ZMAT4: variants seen among roughly 807,000 people sequenced by gnomAD.
The protein encoded by ZMAT4 is zinc finger matrin-type protein 4.
A neutral mutation model predicts 28.7 loss-of-function variants in ZMAT4; 17 were observed. The ratio of observed to expected loss-of-function variants is 0.59; its 90% CI spans 0.41 to 0.89. The LOEUF is 0.89. Ranked by LOEUF, ZMAT4 falls within the 40% of genes least tolerant of loss-of-function variation. The probability of loss-of-function intolerance (pLI) is 0.00; values close to 1 mark genes in which losing one functional copy is unlikely to be tolerated. For missense variants in ZMAT4, 240 were observed against 283.8 expected (o/e 0.85, Z 1.11); for synonymous variants, 117 against 109.2 (o/e 1.07, Z -0.44).
intron 5 of ZMAT4, among the ~76,000 whole-genome samples, chr8:40,655,245 A>C (rs1160903895): frequency 6.6e-6 from 1 of 152,156 alleles, no homozygotes; most frequent in Non-Finnish European, 1.5e-5. Context: ...ATTAGGAATA[A>C]GTTTAACAAA....
intron 2 of ZMAT4, among the ~76,000 whole-genome samples, chr8:40,816,931 G>A (rs1390110255): frequency 6.6e-6 from 1 of 152,090 alleles, no homozygotes; most frequent in African/African-American, 2.4e-5. Context: ...CATGAGAGAC[G>A]GCATTTTTAA....
rs1005402949 is a variant in ZMAT4 at position 40,662,209 on chromosome 8, G to A, written c.577+12495C>T. On this transcript the variant is annotated intron_variant, in intron 5 of 6. Transcript: ENST00000297737. ...TTGCCCAGGTTGCTCTCGAATTCCC[G>A]TGCTCAAGCAATCCTCCCACCTTGG... Among the ~76,000 whole-genome samples the A allele has an allele frequency of 5.3e-5, 8 of 152,096 alleles. No individual in the cohort carries two copies. In the East Asian group the frequency reaches 5.8e-4, roughly 11 times the overall value.
chr8:40,818,303 T>C (rs1418990458), intron 2 of ZMAT4, among the ~76,000 whole-genome samples: 1 of 152,144 alleles, frequency 6.6e-6, no homozygotes, highest in Non-Finnish European at 1.5e-5. Context: ...TTACAGAAGA[T>C]TAAGAATCTT....
At chr8:40,779,251 T>C (rs1813728496) in intron 2 of ZMAT4, among the ~76,000 whole-genome samples, 1 of 152,150 alleles carries the variant, frequency 6.6e-6, no homozygotes, top group Non-Finnish European at 1.5e-5. Flanking sequence ...CTTTTTGCCT[T>C]CCACCATGAT....
At chr8:40,779,750 C>G (rs1813753046) in intron 2 of ZMAT4, among the ~76,000 whole-genome samples, 1 of 152,164 alleles carries the variant, frequency 6.6e-6, no homozygotes, top group African/African-American at 2.4e-5. Context: ...TTTCAACTCT[C>G]CCATCTCTCC....
intron 4 of ZMAT4, among the ~76,000 whole-genome samples, chr8:40,687,314 A>AGAGGGAGCTT (rs1809452564): frequency 6.6e-6 from 1 of 152,244 alleles, no homozygotes; most frequent in South Asian, 2.1e-4. Context: ...AACACAGAAG[A>AGAGGGAGCTT]GAGGGAGCTT....
At chr8:40,640,219 C>T (rs144406448) in intron 5 of ZMAT4, among the ~76,000 whole-genome samples, 3 of 152,304 alleles carry the variant, frequency 2.0e-5, no homozygotes, top group South Asian at 2.1e-4. Context: ...CCCAAGCAAT[C>T]CTCCTGCCTC....
At chr8:40,833,334 C>T (rs1456396126) in intron 1 of ZMAT4, among the ~76,000 whole-genome samples, 1 of 151,994 alleles carries the variant, frequency 6.6e-6, no homozygotes, top group African/African-American at 2.4e-5. Flanking sequence ...CTATGAGAGG[C>T]CGAGGTGGGC....
intron 1 of ZMAT4, among the ~76,000 whole-genome samples, chr8:40,855,706 TG>T (rs1449339729): frequency 5.9e-5 from 9 of 151,442 alleles, no homozygotes; most frequent in African/African-American, 1.7e-4. Context: ...GAGACAGGGT[TG>T]CTCTGTTACC....
intron 2 of ZMAT4, among the ~76,000 whole-genome samples, chr8:40,772,367 A>C (rs1813420855): frequency 6.6e-6 from 1 of 152,222 alleles, no homozygotes; most frequent in Non-Finnish European, 1.5e-5. Flanking sequence ...AATAAAGAAC[A>C]AGACAAACCT....
intron 3 of ZMAT4, among the ~76,000 whole-genome samples, chr8:40,761,278 C>T (rs935173511): frequency 1.3e-5 from 2 of 151,992 alleles, no homozygotes; most frequent in African/African-American, 2.4e-5. Flanking sequence ...TATAAAACAA[C>T]ATATGTATTG....
chr8:40,595,115 T>G (rs1052171709), intron 5 of ZMAT4, among the ~76,000 whole-genome samples: 1 of 152,154 alleles, frequency 6.6e-6, no homozygotes, highest in African/African-American at 2.4e-5. Context: ...ATTGCACGTT[T>G]TTTATTTTTA....
chr8:40,857,630 T>G (rs985209877), intron 1 of ZMAT4, among the ~76,000 whole-genome samples: 2 of 152,190 alleles, frequency 1.3e-5, no homozygotes. Context: ...TTTGCTAATA[T>G]GAAATATATA....
intron 2 of ZMAT4, among the ~76,000 whole-genome samples, chr8:40,820,512 T>C (rs568746377): frequency 8.9e-6 from 1 of 111,778 alleles, no homozygotes; most frequent in Non-Finnish European, 1.8e-5. Flanking sequence ...ATGTGTGTAT[T>C]GGTGTGTATA....
At chr8:40,532,932 G>A (rs1363410301) in intron 6 of ZMAT4, among the ~76,000 whole-genome samples, 2 of 150,626 alleles carry the variant, frequency 1.3e-5, no homozygotes, top group African/African-American at 2.5e-5. Context: ...GCAGTGAGCC[G>A]AGATCGTGCC....
At chr8:40,635,962 C>T (rs1298411101) in intron 5 of ZMAT4, among the ~76,000 whole-genome samples, 1 of 152,148 alleles carries the variant, frequency 6.6e-6, no homozygotes, top group Non-Finnish European at 1.5e-5. Context: ...CTATTACCAC[C>T]TTCAAGAAAA....
intron 6 of ZMAT4, among the ~76,000 whole-genome samples, chr8:40,535,711 GAT>G (rs1802824123): frequency 6.6e-6 from 1 of 151,836 alleles, no homozygotes; most frequent in African/African-American, 2.4e-5. Context: ...ATCTTCCTGA[GAT>G]ATTAACAATA....
intron 2 of ZMAT4, among the ~76,000 whole-genome samples, chr8:40,781,789 A>AAAAAAAG (rs1563480296): frequency 6.8e-6 from 1 of 147,848 alleles, no homozygotes; most frequent in Non-Finnish European, 1.5e-5. Flanking sequence ...AAAAAAAAAA[A>AAAAAAAG]AAGAAAAGAA....
chr8:40,568,074 A>T (rs17556777), intron 6 of ZMAT4, among the ~76,000 whole-genome samples: 1,694 of 152,252 alleles, frequency 0.011, 17 homozygotes, highest in Non-Finnish European at 0.017. Context: ...CCACTGGGAG[A>T]ATGATTTAGG....
Sources: allele counts gnomAD v4.1 joint callset (sites outside exome capture counted in the v4.1 genomes callset), GRCh38; gene constraint gnomAD v4.1.1; transcripts MANE v1.5; gene names NCBI Gene and HGNC (gene_info 2026-07-23, HGNC 2026-07-21).